The following NCKAP5 variants were observed in gnomAD, a reference collection of about 807,000 sequenced individuals.
NCKAP5 encodes NCK associated protein 5.
In NCKAP5, 92 loss-of-function variants were observed where a neutral mutation model predicts 167.0. The ratio of observed to expected loss-of-function variants is 0.55; its 90% CI spans 0.47 to 0.66. The LOEUF (loss-of-function observed/expected upper bound fraction) is 0.66. Ranked by LOEUF, NCKAP5 falls within the 30% of genes least tolerant of loss-of-function variation. The pLI is 0.00. For missense variants in NCKAP5, 2,378 were observed against 2,315.0 expected (o/e 1.03, Z -0.56); for synonymous variants, 891 against 877.4 (o/e 1.02, Z -0.27).
the NCKAP5 span, among the ~76,000 whole-genome samples, chr2:133,673,980 T>C: frequency 6.6e-6 from 1 of 152,180 alleles, no homozygotes; most frequent in East Asian, 1.9e-4. Context: ...TACTCCAACT[T>C]AGCATTCTTA....
Position 133,342,791 on chromosome 2 carries a change from T to C in NCKAP5, c.70-39681A>G, listed in dbSNP as rs1304224941. 2.6e-5 allele frequency among the ~76,000 whole-genome samples: 4 copies of C among 152,272 alleles called. No individual in the cohort carries two copies. The East Asian group carries it at 7.7e-4, about 29-fold the overall frequency. On this transcript the variant is annotated intron_variant, in intron 3 of 19. Coordinates refer to ENST00000409261, the MANE Select transcript of NCKAP5 (RefSeq NM_207363.3). ...GTGTTCTTTGTTCAAGTGGCTGCAA[T>C]GTCTGAAAACACAAGGGACTTCTTG...
At chr2:132,893,515 T>C (rs891115770) in intron 8 of NCKAP5, among the ~76,000 whole-genome samples, 1 of 152,198 alleles carries the variant, frequency 6.6e-6, no homozygotes, top group Non-Finnish European at 1.5e-5. Context: ...CTGGCAATGA[T>C]AACATTGAAT....
chr2:132,824,435 A>G (rs976850934), intron 11 of NCKAP5, among the ~76,000 whole-genome samples: 4 of 152,194 alleles, frequency 2.6e-5, no homozygotes, highest in Non-Finnish European at 4.4e-5. Context: ...TTATCAGGTA[A>G]CATAAGTTTT....
Position 132,836,052 on chromosome 2 carries a change from G to A in NCKAP5, c.807+24440C>T, listed in dbSNP as rs72991346. 9.4e-3 allele frequency among the ~76,000 whole-genome samples: 1,433 copies of A among 152,220 alleles called. 16 individuals are homozygous for A. Among genetic ancestry groups the A allele is most frequent in the African/African-American group, 0.033 (1,378 of 41,530 alleles). On this transcript the variant is annotated intron_variant, in intron 11 of 19. Transcript: ENST00000409261. Reference sequence around the variant, plus strand: ...AGAAATATTGTGAAACTTCCTCAAGGTCACATAGCAAGTGAGTAGCAGAAC... The same window carrying A: ...AGAAATATTGTGAAACTTCCTCAAGATCACATAGCAAGTGAGTAGCAGAAC...
the NCKAP5 span, among the ~76,000 whole-genome samples, chr2:133,652,440 T>A: frequency 6.6e-6 from 1 of 152,132 alleles, no homozygotes; most frequent in Non-Finnish European, 1.5e-5. Context: ...AATAAAACAG[T>A]GGACAATGAC....
At chr2:133,627,863 C>T in the NCKAP5 span, among the ~76,000 whole-genome samples, 15 of 152,154 alleles carry the variant, frequency 9.9e-5, no homozygotes, top group Non-Finnish European at 1.9e-4. Context: ...TTTGCTTTGC[C>T]CCTCCTCCCA....
chr2:133,552,159 A>G (rs376100532), intron 2 of NCKAP5, among the ~76,000 whole-genome samples: 1 of 84,030 alleles, frequency 1.2e-5, no homozygotes, highest in East Asian at 5.2e-4. Flanking sequence ...ACTGTAAACT[A>G]GTTCAACCAT....
intron 8 of NCKAP5, among the ~76,000 whole-genome samples, chr2:132,959,088 ATAT>A (rs201920080): frequency 0.035 from 5,216 of 147,060 alleles, 222 homozygotes; most frequent in African/African-American, 0.1. Context: ...ATTAATAAAT[ATAT>A]TATTAATATA....
chr2:132,971,545 T>C (rs1399766139), intron 7 of NCKAP5, among the ~76,000 whole-genome samples: 1 of 152,150 alleles, frequency 6.6e-6, no homozygotes, highest in African/African-American at 2.4e-5. Flanking sequence ...CTCTCTGATA[T>C]GGTGTGGATG....
At chr2:133,261,116 A>G (rs2088884352) in intron 4 of NCKAP5, among the ~76,000 whole-genome samples, 1 of 152,214 alleles carries the variant, frequency 6.6e-6, no homozygotes, top group South Asian at 2.1e-4. Context: ...GGAAAAGAAT[A>G]AATTCTTTGC....
At chr2:132,677,534 C>A (rs1684650526) in intron 19 of NCKAP5, among the ~76,000 whole-genome samples, 2 of 151,902 alleles carry the variant, frequency 1.3e-5, no homozygotes, top group Non-Finnish European at 2.9e-5. Flanking sequence ...GAAAAGGGTG[C>A]TCTTGGAATG....
chr2:133,392,850 G>T (rs893117790), intron 3 of NCKAP5, among the ~76,000 whole-genome samples: 1 of 152,148 alleles, frequency 6.6e-6, no homozygotes, highest in African/African-American at 2.4e-5. Flanking sequence ...AATATTCCAA[G>T]AATGTAGAGG....
intron 8 of NCKAP5, among the ~76,000 whole-genome samples, chr2:132,927,951 C>A (rs1200584643): frequency 6.6e-6 from 1 of 152,154 alleles, no homozygotes; most frequent in African/African-American, 2.4e-5. Flanking sequence ...CATGTTGACT[C>A]ATAATTGTTT....
chr2:132,853,683 T>TC (rs1443556775), intron 11 of NCKAP5, among the ~76,000 whole-genome samples: 1 of 151,934 alleles, frequency 6.6e-6, no homozygotes, highest in African/African-American at 2.4e-5. Flanking sequence ...GAAACATCAG[T>TC]CCCCCTGACC....
intron 8 of NCKAP5, among the ~76,000 whole-genome samples, chr2:132,962,296 C>T (rs1373682509): frequency 2.0e-5 from 3 of 152,190 alleles, no homozygotes; most frequent in Admixed American, 6.5e-5. Context: ...ACGTAATCCT[C>T]GTTACTTCCC....
At chr2:132,770,552 G>A (rs1011334831) in intron 16 of NCKAP5, among the ~76,000 whole-genome samples, 1 of 151,232 alleles carries the variant, frequency 6.6e-6, no homozygotes, top group Non-Finnish European at 1.5e-5. Flanking sequence ...TTATTCATAT[G>A]GTTCTCCACC....
chr2:133,165,837 C>T (rs968341889), intron 5 of NCKAP5, among the ~76,000 whole-genome samples: 4 of 152,166 alleles, frequency 2.6e-5, no homozygotes, highest in Non-Finnish European at 5.9e-5. Context: ...GAAGATATTT[C>T]ACTATAATCA....
intron 3 of NCKAP5, among the ~76,000 whole-genome samples, chr2:133,438,904 A>G (rs922349286): frequency 5.3e-5 from 8 of 152,346 alleles, no homozygotes; most frequent in South Asian, 2.1e-4. Context: ...CCTGACTTCA[A>G]TAATTTCAAT....
chr2:133,565,929 G>T (rs554969978), intron 1 of NCKAP5, among the ~76,000 whole-genome samples: 1 of 152,284 alleles, frequency 6.6e-6, no homozygotes, highest in African/African-American at 2.4e-5. Flanking sequence ...TATATAGCAA[G>T]CAGCCCTTGC....
Sources: allele counts gnomAD v4.1 joint callset (sites outside exome capture counted in the v4.1 genomes callset), GRCh38; gene constraint gnomAD v4.1.1; transcripts MANE v1.5; gene names NCBI Gene and HGNC (gene_info 2026-07-23, HGNC 2026-07-21).